The following EOGT variants were observed in gnomAD, a reference collection of about 807,000 sequenced individuals.
The protein encoded by EOGT is EGF domain-specific O-linked N-acetylglucosamine transferase.
EOGT carries 55 observed loss-of-function variants against 70.5 expected under a neutral mutation model. The ratio of observed to expected loss-of-function variants is 0.78; its 90% CI spans 0.63 to 0.98. The LOEUF is 0.98. EOGT is among the 50% of genes least tolerant of loss of function. The pLI, the probability that EOGT is intolerant of heterozygous loss-of-function variation, is 0.00. For missense variants in EOGT, 703 were observed against 641.9 expected, an observed-to-expected ratio of 1.10 and a Z score of -1.03; for synonymous variants, 246 against 217.1, an observed-to-expected ratio of 1.13 and a Z score of -1.17.
intron 9 of EOGT, 134 bp from the exon 10 acceptor site, chr3:68,998,248 T>C (rs1456474969): frequency 2.3e-5 from 14 of 606,464 alleles, no homozygotes; most frequent in Non-Finnish European, 4.0e-5. Flanking sequence ...AACTGTTTTG[T>C]TTTTCCAAAC....
At chr3:69,004,752 A>G (rs985195256) in intron 7 of EOGT, among the ~76,000 whole-genome samples, 3 of 151,874 alleles carry the variant, frequency 2.0e-5, no homozygotes, top group African/African-American at 7.3e-5. Flanking sequence ...CTGCCATATC[A>G]TCAAAAACAA....
At chr3:68,990,742 C>A (rs1186817046) in intron 10 of EOGT, among the ~76,000 whole-genome samples, 1 of 151,988 alleles carries the variant, frequency 6.6e-6, no homozygotes, top group South Asian at 2.1e-4. Flanking sequence ...AAAATTCAGC[C>A]AATAGAAATC....
intron 15 of EOGT, among the ~76,000 whole-genome samples, chr3:68,980,967 C>T (rs1395172465): frequency 6.6e-6 from 1 of 152,182 alleles, no homozygotes; most frequent in African/African-American, 2.4e-5. Flanking sequence ...AGGTGCCCTG[C>T]CCAGTTCTTT....
At chr3:68,995,906 A>G (rs2091135061) in intron 10 of EOGT, among the ~76,000 whole-genome samples, 1 of 152,182 alleles carries the variant, frequency 6.6e-6, no homozygotes, top group Admixed American at 6.5e-5. Context: ...TGTCTGTAAG[A>G]TAAGCTAATG....
chr3:68,977,501 T>G lies in EOGT; in HGVS notation c.*117A>C. On this transcript the variant is annotated 3_prime_UTR_variant, in exon 18 of 18. Coordinates refer to ENST00000383701, the MANE Select transcript of EOGT (RefSeq NM_001278689.2). ...CATAACAATATCCTGAAGGTATGTT[T>G]TGGCATAGAAAAGGTAATTCGGGGA... The G allele has an allele frequency of 9.6e-7, 1 of 1,045,448 alleles. No individual in the cohort carries two copies. The highest frequency in any genetic ancestry group is 2.4e-5 in the East Asian group (1 of 41,106). The allele number at this position is 1,045,448 out of a possible 1,614,324, so 64.8% of individuals were successfully genotyped here. A position where few individuals can be genotyped will look rare whatever the true frequency, so the allele number is the denominator to read the frequency against.
rs554473068 is a variant in EOGT at position 68,977,545 on chromosome 3, T to C, written c.*73A>G. 4.7e-5 allele frequency: 70 copies of C among 1,502,692 alleles called. No individual in the cohort carries two copies. In the Admixed American group the frequency reaches 1.3e-3, roughly 27 times the overall value. The allele number at this position is 1,502,692 out of a possible 1,614,324, so 93.1% of individuals were successfully genotyped here. ...TCGGGGATAGGAAATAACAGATTGC[T>C]TTACTGATTTAATTCTAAGTCTGGG... On this transcript the variant is annotated 3_prime_UTR_variant, in exon 18 of 18. Coordinates refer to ENST00000383701, the MANE Select transcript of EOGT (RefSeq NM_001278689.2).
intron 14 of EOGT, among the ~76,000 whole-genome samples, chr3:68,986,027 G>A (rs2090796045): frequency 6.6e-6 from 1 of 152,126 alleles, no homozygotes; most frequent in Admixed American, 6.5e-5. Context: ...CAGCAACATG[G>A]CATCTCTCTG....
chr3:68,992,660 G>A (rs1289482489), intron 10 of EOGT, among the ~76,000 whole-genome samples: 1 of 152,216 alleles, frequency 6.6e-6, no homozygotes, highest in Non-Finnish European at 1.5e-5. Flanking sequence ...CCACTAGGCA[G>A]CACCCCACTA....
chr3:69,008,407 G>T, intron 5 of EOGT, 21 bp downstream of exon 5: 1 of 1,523,934 alleles, frequency 6.6e-7, no homozygotes, highest in Non-Finnish European at 9.1e-7. Flanking sequence ...CTTGAAGAGG[G>T]TATTCCATAT....
At chr3:68,990,422 G>A (rs2090958558) in intron 10 of EOGT, among the ~76,000 whole-genome samples, 1 of 147,100 alleles carries the variant, frequency 6.8e-6, no homozygotes, top group Non-Finnish European at 1.5e-5. Context: ...TCGTGATCTG[G>A]GCTCACTGCA....
chr3:69,013,272 C>G (rs2107433533), intron 1 of EOGT, among the ~76,000 whole-genome samples: 1 of 151,652 alleles, frequency 6.6e-6, no homozygotes, highest in Non-Finnish European at 1.5e-5. Context: ...GGAGGGGCCC[C>G]GGGGAGCGGC....
intron 3 of EOGT, 63 bp from the exon 4 acceptor site, chr3:69,009,923 A>C: frequency 2.7e-5 from 16 of 599,258 alleles, no homozygotes; most frequent in Non-Finnish European, 3.2e-5. Flanking sequence ...AACAACAACA[A>C]CAACAACAAC....
At chr3:69,005,537 GA>G (rs1211057658) in intron 6 of EOGT, among the ~76,000 whole-genome samples, 1 of 149,550 alleles carries the variant, frequency 6.7e-6, no homozygotes, top group Non-Finnish European at 1.5e-5. Flanking sequence ...CCCTTTAAAA[GA>G]AAAAAAAAGT....
chr3:68,979,624 G>C (rs766495109), intron 16 of EOGT, 44 bp downstream of exon 16: 2 of 1,601,594 alleles, frequency 1.2e-6, no homozygotes, highest in South Asian at 1.1e-5. Flanking sequence ...TGCATAAAAA[G>C]CATTATCAGT....
intron 10 of EOGT, among the ~76,000 whole-genome samples, chr3:68,994,936 C>A (rs1178878290): frequency 6.6e-6 from 1 of 152,164 alleles, no homozygotes; most frequent in Non-Finnish European, 1.5e-5. Context: ...GAAGATGGGT[C>A]CCTCTATGCA....
At position 68,992,916 on chromosome 3, in the gene EOGT, G is replaced by A. The variant is rs554111088; in HGVS notation, c.832-3899C>T. The stretch of plus-strand genomic sequence containing the variant: ...ACCCTCTGAAGCCACAGCCTGAGCT[G>A]TACATTGGCTCCTTTCAGCCATGGC... On this transcript the variant is annotated intron_variant, in intron 10 of 17. Coordinates refer to ENST00000383701, the MANE Select transcript of EOGT (RefSeq NM_001278689.2). Among the ~76,000 whole-genome samples the A allele has an allele frequency of 6.1e-3, 935 of 152,324 alleles. 6 individuals carry two copies. Among genetic ancestry groups the A allele is most frequent in the Non-Finnish European group, 0.01 (695 of 68,034 alleles).
At chr3:68,981,060 A>G (rs960803086) in intron 15 of EOGT, among the ~76,000 whole-genome samples, 2 of 152,220 alleles carry the variant, frequency 1.3e-5, no homozygotes, top group African/African-American at 4.8e-5. Context: ...TTCTTCAAGC[A>G]ACACTGACAC....
rs2090488289 is a variant in EOGT at position 68,976,976 on chromosome 3, A to C, written c.*642T>G. 6.5e-6 allele frequency: 1 copy of C among 152,698 alleles called. No homozygotes were observed. The highest frequency in any genetic ancestry group is 1.9e-4 in the East Asian group (1 of 5,208). 9.5% of individuals were successfully genotyped at this position (152,698 alleles called of 1,614,324 possible). ...AGAGTTCGAGACCAGCCTGGCCAAC[A>C]TGGTGAAACTCCGTCTCTATCAAAA... On this transcript the variant is annotated 3_prime_UTR_variant, in exon 18 of 18. Transcript: ENST00000383701.
Position 68,998,075 on chromosome 3 carries a change from A to C in EOGT, c.767T>G (p.Leu256Arg). The C allele has an allele frequency of 6.2e-7, 1 of 1,601,044 alleles. No homozygotes were observed. The highest frequency in any genetic ancestry group is 1.1e-5 in the South Asian group (1 of 88,666). ...MYHHFCDFIN[L>R]YITQHVNNSF... Reference sequence around the variant, plus strand: ...GTTATTAACGTGCTGAGTAATATAAAGATTGATGAAATCACAGAAGTGGTG... The same window carrying C: ...GTTATTAACGTGCTGAGTAATATAACGATTGATGAAATCACAGAAGTGGTG... Residue 256 changes from leucine (L) to arginine (R), a missense_variant, in exon 10 of 18, where the codon CTT becomes CGT. Transcript: ENST00000383701.
Sources: gnomAD v4.1 joint callset for allele counts (sites outside exome capture counted in the v4.1 genomes callset) on GRCh38, gnomAD v4.1.1 for gene constraint, MANE v1.5 for transcripts, NCBI Gene and HGNC (gene_info 2026-07-23, HGNC 2026-07-21) for gene names.